The following SLIT2 variants were observed in gnomAD, a reference collection of about 807,000 sequenced individuals.
SLIT2 encodes slit guidance ligand 2.
In SLIT2, 41 loss-of-function variants were observed where a neutral mutation model predicts 185.7. The ratio of observed to expected loss-of-function variants is 0.22; its 90% confidence interval spans 0.17 to 0.29. The LOEUF is 0.29. SLIT2 is among the 10% of genes least tolerant of loss of function. SLIT2 has a pLI of 1.00. For missense variants in SLIT2, 1,571 were observed against 1,909.0 expected (o/e 0.82, Z 3.30); for synonymous variants, 693 against 680.2 (o/e 1.02, Z -0.29).
intron 20 of SLIT2, among the ~76,000 whole-genome samples, chr4:20,542,158 T>C (rs1296740898): frequency 6.6e-6 from 1 of 152,192 alleles, no homozygotes; most frequent in Non-Finnish European, 1.5e-5. Context: ...TGTCTCTTCA[T>C]ATCTGTTTCC....
intron 4 of SLIT2, among the ~76,000 whole-genome samples, chr4:20,351,959 A>G (rs1721914412): frequency 6.6e-6 from 1 of 152,178 alleles, no homozygotes; most frequent in East Asian, 1.9e-4. Context: ...GGCATATGAC[A>G]GTCATATTCT....
intron 4 of SLIT2, among the ~76,000 whole-genome samples, chr4:20,466,601 C>T (rs17539012): frequency 2.0e-5 from 3 of 152,086 alleles, no homozygotes; most frequent in African/African-American, 4.8e-5. Context: ...ACTAAATCTC[C>T]GTATCTGCCG....
At chr4:20,304,728 T>C (rs1463534307) in intron 4 of SLIT2, among the ~76,000 whole-genome samples, 2 of 152,014 alleles carry the variant, frequency 1.3e-5, no homozygotes, top group Non-Finnish European at 2.9e-5. Flanking sequence ...TCCCAGCCAG[T>C]CCCAGCGCTC....
At chr4:20,268,742 A>G (rs1577345433) in intron 3 of SLIT2, 68 bp from the exon 4 acceptor site, 1 of 968,528 alleles carries the variant, frequency 1.0e-6, no homozygotes, top group East Asian at 2.4e-5. Context: ...GCATGACACT[A>G]CCAAATCACA....
chr4:20,434,468 C>T (rs770302080), intron 4 of SLIT2, among the ~76,000 whole-genome samples: 2 of 151,988 alleles, frequency 1.3e-5, no homozygotes, highest in Admixed American at 6.6e-5. Flanking sequence ...GCTTGGGCAA[C>T]AAGAGCGAAA....
intron 4 of SLIT2, among the ~76,000 whole-genome samples, chr4:20,392,461 T>C (rs1421383632): frequency 1.3e-5 from 2 of 152,118 alleles, no homozygotes; most frequent in Admixed American, 1.3e-4. Flanking sequence ...TGTACACTGC[T>C]GTAGACTTCA....
intron 26 of SLIT2, among the ~76,000 whole-genome samples, chr4:20,560,553 A>G (rs1724612781): frequency 6.6e-6 from 1 of 151,968 alleles, no homozygotes; most frequent in African/African-American, 2.4e-5. Flanking sequence ...AGAGTGATTA[A>G]GCAGTCTGCA....
intron 33 of SLIT2, 118 bp downstream of exon 33, chr4:20,598,513 G>C (rs1728157092): frequency 8.7e-6 from 10 of 1,153,560 alleles, no homozygotes; most frequent in Non-Finnish European, 1.1e-5. Context: ...CAGGTTTTAG[G>C]ATGAGGGTAT....
chr4:20,421,083 G>T (rs1417611952), intron 4 of SLIT2, among the ~76,000 whole-genome samples: 2 of 152,184 alleles, frequency 1.3e-5, no homozygotes, highest in African/African-American at 2.4e-5. Context: ...AGGTAGAATG[G>T]AGGGAATTAA....
At chr4:20,493,333 A>G (rs1717950015) in intron 9 of SLIT2, among the ~76,000 whole-genome samples, 1 of 119,948 alleles carries the variant, frequency 8.3e-6, no homozygotes, top group African/African-American at 2.6e-5. Flanking sequence ...GATGTGATAA[A>G]GTAAAGAGTA....
Position 20,484,935 on chromosome 4 carries a change from T to G in SLIT2, c.540-1265T>G, listed in dbSNP as rs1717063359. On this transcript the variant is annotated intron_variant, in intron 6 of 36. Coordinates refer to ENST00000504154, the MANE Select transcript of SLIT2 (RefSeq NM_004787.4). This position sits in a 1 kb window ranked among gnomAD's most constrained non-coding sequence, Gnocchi z 4.3. ...TCTCTTGCCCATCATTGTATATTTT[T>G]GCACGTGGCCTGCTTCGCTCATTTC... is the stretch of plus-strand genomic sequence containing the variant. Among the ~76,000 whole-genome samples the G allele has an allele frequency of 6.6e-6, 1 of 152,170 alleles. No homozygotes were observed. Among genetic ancestry groups the G allele is most frequent in the Admixed American group, 6.6e-5 (1 of 15,258 alleles).
chr4:20,322,155 T>G (rs1331681263), intron 4 of SLIT2, among the ~76,000 whole-genome samples: 1 of 152,158 alleles, frequency 6.6e-6, no homozygotes. Context: ...CCATTTCATA[T>G]GTGAACCTCC....
chr4:20,555,658 G>A (rs1724192214), intron 26 of SLIT2, among the ~76,000 whole-genome samples: 1 of 151,964 alleles, frequency 6.6e-6, no homozygotes, highest in African/African-American at 2.4e-5. Context: ...TACCCTCAAC[G>A]TTTTTAATTT....
intron 34 of SLIT2, among the ~76,000 whole-genome samples, chr4:20,611,813 G>T (rs1729243256): frequency 3.3e-5 from 5 of 152,168 alleles, no homozygotes; most frequent in African/African-American, 1.2e-4. Context: ...TCCCTGAAGA[G>T]CAATCTCAAG....
At chr4:20,527,576 C>T (rs1237782515) in intron 15 of SLIT2, among the ~76,000 whole-genome samples, 1 of 152,160 alleles carries the variant, frequency 6.6e-6, no homozygotes, top group Non-Finnish European at 1.5e-5. Context: ...TGAGCCACCA[C>T]ACCCGGCCTT....
chr4:20,445,953 T>G (rs920066427), intron 4 of SLIT2, among the ~76,000 whole-genome samples: 2 of 152,202 alleles, frequency 1.3e-5, no homozygotes, highest in Non-Finnish European at 2.9e-5. Context: ...CTGAGGCTTC[T>G]TCCTTCTTGC....
intron 4 of SLIT2, among the ~76,000 whole-genome samples, chr4:20,446,314 C>T (rs1711789648): frequency 6.6e-6 from 1 of 152,184 alleles, no homozygotes; most frequent in South Asian, 2.1e-4. Context: ...GGTAAGGGAT[C>T]AGCTCAATGT....
rs1715489162 is a variant in SLIT2, at chr4:20,472,504, A to ATATC, written c.467+4684_467+4685insCTAT. 2.2e-4 allele frequency among the ~76,000 whole-genome samples: 3 copies of ATATC among 13,410 alleles called. 1 individual carries two copies. Among genetic ancestry groups the ATATC allele is most frequent in the African/African-American group, 9.2e-4 (2 of 2,182 alleles). 8.8% of individuals were successfully genotyped at this position (13,410 alleles called of 152,430 possible). A position where few individuals can be genotyped will look rare whatever the true frequency, so the allele number is the denominator to read the frequency against. ...TATATCTATATATAGATATATATCT[A>ATATC]TATATAGATAGATATATATCTATAT... On this transcript the variant is annotated intron_variant, in intron 5 of 36. Transcript: ENST00000504154.
chr4:20,532,222 T>A (rs1721876158), intron 17 of SLIT2, among the ~76,000 whole-genome samples, 164 bp downstream of exon 17: 1 of 152,194 alleles, frequency 6.6e-6, no homozygotes, highest in Non-Finnish European at 1.5e-5. Context: ...GGGACTTTTC[T>A]GTGTGTTCAG....
Sources: allele counts gnomAD v4.1 joint callset (sites outside exome capture counted in the v4.1 genomes callset), GRCh38; gene constraint gnomAD v4.1.1; non-coding constraint Gnocchi (gnomAD v3.1); transcripts MANE v1.5; gene names NCBI Gene and HGNC (gene_info 2026-07-23, HGNC 2026-07-21).